The following SYNE2 variants were observed in gnomAD, a reference collection of about 807,000 sequenced individuals.
The protein encoded by SYNE2 is spectrin repeat containing nuclear envelope protein 2, also known as nesprin-2.
A neutral mutation model predicts 856.3 loss-of-function variants in SYNE2; 431 were observed. That is an observed-to-expected ratio of 0.50 (90% CI 0.47 to 0.55). The LOEUF is 0.55. Ranked by LOEUF, SYNE2 falls within the 20% of genes least tolerant of loss-of-function variation. SYNE2 has a pLI of 0.00. For missense variants in SYNE2, 8,129 were observed against 8,023.2 expected (o/e 1.01, Z -0.50); for synonymous variants, 2,923 against 2,872.3 (o/e 1.02, Z -0.56).
chr14:64,006,083 C>T (rs1285946859), intron 30 of SYNE2, among the ~76,000 whole-genome samples: 2 of 152,112 alleles, frequency 1.3e-5, no homozygotes, highest in Non-Finnish European at 2.9e-5. Flanking sequence ...ATGTGGAGGC[C>T]AGCTGTTTCA....
intron 19 of SYNE2, among the ~76,000 whole-genome samples, chr14:63,989,142 C>T (rs1375389135): frequency 6.6e-6 from 1 of 152,080 alleles, no homozygotes; most frequent in Non-Finnish European, 1.5e-5. Context: ...GGGATCTTGG[C>T]ATTTTTAAAA....
At chr14:64,100,799 TGACA>T (rs1424424282) in intron 63 of SYNE2, among the ~76,000 whole-genome samples, 6 of 151,586 alleles carry the variant, frequency 4.0e-5, no homozygotes, top group Non-Finnish European at 7.4e-5. Context: ...TAATGTCCTT[TGACA>T]GACATTTTTG....
chr14:63,952,768 G>A (rs1475524680), intron 7 of SYNE2, among the ~76,000 whole-genome samples: 1 of 152,188 alleles, frequency 6.6e-6, no homozygotes, highest in East Asian at 1.9e-4. Context: ...TACAGTCATA[G>A]TTTTAAGCTT....
At chr14:63,987,507 T>A (rs896325529) in intron 19 of SYNE2, among the ~76,000 whole-genome samples, 3 of 152,206 alleles carry the variant, frequency 2.0e-5, no homozygotes, top group African/African-American at 2.4e-5. Flanking sequence ...CTACAGAGCA[T>A]AAGTTACAAC....
At position 64,177,414 on chromosome 14, in the gene SYNE2, A is replaced by C; in HGVS notation, c.17487A>C (p.Leu5829Phe). ...AGTTGAAAAGCAGGCTGCAAGTTTTAAAGGCACAAAGTGAAGATCCTCTTC... is the reference window on the plus strand; with the variant it reads ...AGTTGAAAAGCAGGCTGCAAGTTTTCAAGGCACAAAGTGAAGATCCTCTTC... ...IKELKSRLQV[L>F]KAQSEDPLPE... The change falls in exon 96 of 116, where the codon TTA becomes TTC. Residue 5829 changes from leucine to phenylalanine, a missense_variant. Coordinates refer to ENST00000555002, the MANE Select transcript of SYNE2 (RefSeq NM_182914.3). 6.2e-7 allele frequency: 1 copy of C among 1,614,186 alleles called. No homozygotes were observed. Among genetic ancestry groups the C allele is most frequent in the Middle Eastern group, 1.6e-4 (1 of 6,062 alleles).
Position 64,055,989 on chromosome 14 carries a change from G to A in SYNE2, c.9790G>A (p.Ala3264Thr), listed in dbSNP as rs764773451. Residue 3264 changes from alanine (A) to threonine (T), a missense_variant, in exon 49 of 116, where the codon GCA becomes ACA. Coordinates refer to ENST00000555002, the MANE Select transcript of SYNE2 (RefSeq NM_182914.3). ...TGAAAATCTAACACGCTATAAAGAA[G>A]CAGTCACCAGGGCAGTGGAGAGCAT... ...AYENLTRYKE[A>T]VTRAVESITS... The A allele has an allele frequency of 2.2e-5, 35 of 1,614,000 alleles. No homozygotes were observed. In the East Asian group the frequency reaches 7.8e-4, roughly 36 times the overall value.
chr14:64,134,316 T>TACA (rs2098060400), intron 78 of SYNE2, 116 bp downstream of exon 78: 1 of 1,076,960 alleles, frequency 9.3e-7, no homozygotes, highest in Non-Finnish European at 1.4e-6. Flanking sequence ...ATGTTCATCA[T>TACA]ACAACTCACT....
chr14:63,854,854 ATAAGG>A (rs1373363496), intron 1 of SYNE2, among the ~76,000 whole-genome samples: 1 of 152,262 alleles, frequency 6.6e-6, no homozygotes, highest in Non-Finnish European at 1.5e-5. Context: ...TCTCACTAGC[ATAAGG>A]TGAGAGTTAA....
At chr14:63,874,878 A>G (rs770461665) in intron 1 of SYNE2, among the ~76,000 whole-genome samples, 17 of 152,180 alleles carry the variant, frequency 1.1e-4, no homozygotes, top group Non-Finnish European at 1.8e-4. Flanking sequence ...TTAATGACAT[A>G]GAAAATAAAA....
intron 8 of SYNE2, among the ~76,000 whole-genome samples, chr14:63,959,356 G>A (rs977857254): frequency 2.9e-5 from 4 of 137,348 alleles, no homozygotes; most frequent in Non-Finnish European, 4.5e-5. Flanking sequence ...GGAGTGCAGC[G>A]GCTCAATCTC....
Position 63,772,106 on chromosome 14 carries a change from A to G in SYNE2, c.-305+10120A>G, listed in dbSNP as rs1378539332. 2.6e-5 allele frequency among the ~76,000 whole-genome samples: 4 copies of G among 152,356 alleles called. No homozygotes were observed. In the East Asian group the frequency reaches 7.7e-4, roughly 29 times the overall value. On this transcript the variant is annotated intron_variant, in intron 1 of 23. Transcript: ENST00000674003. ...GGTGGCTCATGCCTGTAATCCCAGCACTTTGGGAGGCCAAGATGCATGCAT... is the reference window on the plus strand; with the variant it reads ...GGTGGCTCATGCCTGTAATCCCAGCGCTTTGGGAGGCCAAGATGCATGCAT...
chr14:64,008,790 C>T (rs1717566811), intron 31 of SYNE2, among the ~76,000 whole-genome samples: 1 of 152,068 alleles, frequency 6.6e-6, no homozygotes, highest in Admixed American at 6.6e-5. Context: ...TCTCACCATC[C>T]CGCTTTGTTT....
At chr14:64,087,650 T>C (rs1365013346) in intron 57 of SYNE2, 21 bp from the exon 58 acceptor site, 1 of 1,612,612 alleles carries the variant, frequency 6.2e-7, no homozygotes. Context: ...TCTCTATTTT[T>C]CCCATTCTGT....
chr14:64,119,354 TCTTAA>T, intron 66 of SYNE2, 68 bp from the exon 67 acceptor site: 2 of 1,581,318 alleles, frequency 1.3e-6, no homozygotes, highest in Non-Finnish European at 1.7e-6. Flanking sequence ...AAAGAGTAAG[TCTTAA>T]CTTGTTTGCA....
At chr14:64,070,295 T>C (rs1255967) in intron 51 of SYNE2, among the ~76,000 whole-genome samples, 118,330 of 152,194 alleles carry the variant, frequency 0.78, 47,061 homozygotes, top group Non-Finnish European at 0.87. Context: ...CAACCTCTTA[T>C]ACTTAGTGAA....
intron 84 of SYNE2, among the ~76,000 whole-genome samples, chr14:64,149,768 T>G (rs1203274818): frequency 6.6e-6 from 1 of 152,162 alleles, no homozygotes; most frequent in African/African-American, 2.4e-5. Flanking sequence ...CAAAAGATTA[T>G]TTTTAATTCC....
At chr14:64,020,178 G>A in intron 35 of SYNE2, 85 bp downstream of exon 35, 1 of 905,708 alleles carries the variant, frequency 1.1e-6, no homozygotes, top group Non-Finnish European at 1.8e-6. Flanking sequence ...GGGCGACAGA[G>A]CAAAACCCTG....
At chr14:63,949,770 C>T (rs919753776) in intron 6 of SYNE2, 55 bp from the exon 7 acceptor site, 2 of 1,602,870 alleles carry the variant, frequency 1.2e-6, no homozygotes, top group African/African-American at 1.3e-5. Flanking sequence ...AAATTTTGGC[C>T]CAATGCTGGT....
At position 63,981,275 on chromosome 14, in the gene SYNE2, C is replaced by A; in HGVS notation, c.1836+102C>A. The A allele has an allele frequency of 3.8e-6, 4 of 1,064,346 alleles. No homozygotes were observed. The Admixed American group carries it at 8.0e-5, about 21-fold the overall frequency. The allele number at this position is 1,064,346 out of a possible 1,614,324, so 65.9% of individuals were successfully genotyped here. A position where few individuals can be genotyped will look rare whatever the true frequency, so the allele number is the denominator to read the frequency against. ...AGATGAGAAAACAGAGAAGAGTACA[C>A]CAGTGTTTTGGAAAATTCTTCAAGG... On this transcript the variant is annotated intron_variant, in intron 16 of 115. Transcript: ENST00000555002.
Sources: allele counts gnomAD v4.1 joint callset (sites outside exome capture counted in the v4.1 genomes callset), GRCh38; gene constraint gnomAD v4.1.1; transcripts MANE v1.5; gene names NCBI Gene and HGNC (gene_info 2026-07-23, HGNC 2026-07-21).